Variants in USP13 observed in about 807,000 individuals in gnomAD.
The protein encoded by USP13 is ubiquitin specific peptidase 13, also known as ubiquitin carboxyl-terminal hydrolase 13.
A neutral mutation model predicts 107.8 loss-of-function variants in USP13; 68 were observed. That is an observed-to-expected ratio of 0.63 (90% CI 0.52 to 0.77). The LOEUF (loss-of-function observed/expected upper bound fraction) is 0.77. Among genes scored for constraint, USP13 ranks in the 30% least tolerant of loss-of-function variants. USP13 has a pLI of 0.00. For synonymous variants in USP13, 377 were observed against 389.5 expected, an observed-to-expected ratio of 0.97 and a Z score of 0.38; for missense variants, 945 against 1,093.3, an observed-to-expected ratio of 0.86 and a Z score of 1.91.
intron 16 of USP13, 161 bp downstream of exon 16, chr3:179,757,239 T>C: frequency 1.4e-6 from 1 of 735,562 alleles, no homozygotes; most frequent in Non-Finnish European, 2.3e-6. Context: ...GACATGCTGA[T>C]CAGGTGGCCC....
rs1350806322 is a variant in USP13, at chr3:179,653,195, G to C, written c.-31G>C. Reference sequence around the variant, plus strand: ...AGACCCCGCGCTCCGGCTCCGGCTCGGCTCGCTCGGCTCCGGTGCGCGCCG... The same window carrying C: ...AGACCCCGCGCTCCGGCTCCGGCTCCGCTCGCTCGGCTCCGGTGCGCGCCG... On this transcript the variant is annotated 5_prime_UTR_variant, in exon 1 of 21. Transcript: ENST00000263966. This position sits in a 1 kb window ranked among gnomAD's most constrained non-coding sequence, Gnocchi z 4.0. 28 of 1,326,882 alleles carry C rather than the reference G, an allele frequency of 2.1e-5. No homozygotes were observed. Among genetic ancestry groups the C allele is most frequent in the Non-Finnish European group, 2.7e-5 (28 of 1,033,298 alleles). 82.2% of individuals were successfully genotyped at this position (1,326,882 alleles called of 1,614,324 possible).
chr3:179,751,350 T>A (rs1714603749), intron 13 of USP13, among the ~76,000 whole-genome samples: 1 of 152,194 alleles, frequency 6.6e-6, no homozygotes, highest in Admixed American at 6.5e-5. Context: ...TTTGGATACT[T>A]ATCCCATAAT....
chr3:179,660,654 C>T (rs1298422752), intron 1 of USP13, among the ~76,000 whole-genome samples: 5 of 152,270 alleles, frequency 3.3e-5, no homozygotes, highest in Non-Finnish European at 1.5e-5. Flanking sequence ...GTACTATGCA[C>T]GTTGCCTTGC....
At chr3:179,704,942 A>T (rs1712660446) in intron 4 of USP13, among the ~76,000 whole-genome samples, 1 of 152,144 alleles carries the variant, frequency 6.6e-6, no homozygotes, top group African/African-American at 2.4e-5. Flanking sequence ...TCTAATTTTC[A>T]TAGCAGATCA....
chr3:179,751,159 T>C (rs1191993930), intron 13 of USP13, among the ~76,000 whole-genome samples: 1 of 152,156 alleles, frequency 6.6e-6, no homozygotes, highest in East Asian at 1.9e-4. Flanking sequence ...AAAAACAAAA[T>C]GATAAATGTG....
rs113098896 is a variant in USP13, at chr3:179,722,065, C to CAA, written c.1088+492_1088+493dup. 5.1e-3 allele frequency among the ~76,000 whole-genome samples: 651 copies of CAA among 127,686 alleles called. 9 individuals are homozygous for CAA. The highest frequency in any genetic ancestry group is 0.018 in the African/African-American group (571 of 32,452). The allele number at this position is 127,686 out of a possible 152,430, so 83.8% of individuals were successfully genotyped here. A position where few individuals can be genotyped will look rare whatever the true frequency, so the allele number is the denominator to read the frequency against. On this transcript the variant is annotated intron_variant, in intron 8 of 20. Coordinates refer to ENST00000263966, the MANE Select transcript of USP13 (RefSeq NM_003940.3). ...TGGGTAACAGAGCGAGAATCTGTCT[C>CAA]AAAAAAAAAAAAAAAAAGAGCTTCG...
rs988049461 is a variant in USP13 at position 179,653,189 on chromosome 3, C to CGGCTCGGCT, written c.-36_-28dup. The CGGCTCGGCT allele has an allele frequency of 2.7e-5, 33 of 1,240,954 alleles. No individual in the cohort carries two copies. In the African/African-American group the frequency reaches 3.0e-4, roughly 11 times the overall value. The allele number at this position is 1,240,954 out of a possible 1,614,324, so 76.9% of individuals were successfully genotyped here. On this transcript the variant is annotated 5_prime_UTR_variant, in exon 1 of 21. Coordinates refer to ENST00000263966, the MANE Select transcript of USP13 (RefSeq NM_003940.3). This position sits in a 1 kb window ranked among gnomAD's most constrained non-coding sequence, Gnocchi z 4.0. ...GCCGGCAGACCCCGCGCTCCGGCTCCGGCTCGGCTCGCTCGGCTCCGGTGC... is the reference window on the plus strand; with the variant it reads ...GCCGGCAGACCCCGCGCTCCGGCTCCGGCTCGGCTGGCTCGGCTCGCTCGGCTCCGGTGC...
intron 13 of USP13, among the ~76,000 whole-genome samples, chr3:179,747,669 A>G (rs962182986): frequency 5.3e-5 from 8 of 152,028 alleles, no homozygotes; most frequent in African/African-American, 1.2e-4. Context: ...GCCCAGGGCT[A>G]GTGGTCAGGA....
chr3:179,729,820 T>C (rs1004343605), intron 8 of USP13, among the ~76,000 whole-genome samples: 5 of 152,200 alleles, frequency 3.3e-5, no homozygotes, highest in Non-Finnish European at 5.9e-5. Flanking sequence ...GCTTAGCCAG[T>C]GGTTCTTAAC....
At chr3:179,756,120 A>G (rs564632070) in intron 15 of USP13, among the ~76,000 whole-genome samples, 6 of 152,332 alleles carry the variant, frequency 3.9e-5, no homozygotes, top group African/African-American at 1.4e-4. Context: ...GTAGTTATAC[A>G]GAGATCTTAG....
chr3:179,728,455 A>G (rs1713653717), intron 8 of USP13, among the ~76,000 whole-genome samples: 1 of 145,288 alleles, frequency 6.9e-6, no homozygotes. Context: ...CTCACTTCCT[A>G]GATGGGATGG....
At chr3:179,754,995 C>T (rs1560075725) in intron 15 of USP13, 141 bp downstream of exon 15, 12 of 1,132,796 alleles carry the variant, frequency 1.1e-5, no homozygotes, top group South Asian at 3.7e-5. Context: ...AACCCACCAC[C>T]GACACAGGAG....
intron 3 of USP13, among the ~76,000 whole-genome samples, chr3:179,695,605 C>T (rs889069522): frequency 1.5e-4 from 23 of 151,512 alleles, no homozygotes; most frequent in Admixed American, 1.5e-3. Flanking sequence ...ACTTTTAAAA[C>T]ATTTAGGATT....
chr3:179,749,349 T>C (rs188348661), intron 13 of USP13, among the ~76,000 whole-genome samples: 5 of 152,342 alleles, frequency 3.3e-5, no homozygotes, highest in East Asian at 1.9e-4. Context: ...TTGAAGAAAA[T>C]TTGCTGTCTA....
chr3:179,669,285 A>G (rs1720675734), intron 1 of USP13, among the ~76,000 whole-genome samples: 1 of 152,038 alleles, frequency 6.6e-6, no homozygotes, highest in African/African-American at 2.4e-5. Context: ...ACATGGTGAA[A>G]CTCCATCTCT....
chr3:179,655,359 T>C (rs563461134), intron 1 of USP13, among the ~76,000 whole-genome samples: 1 of 152,290 alleles, frequency 6.6e-6, no homozygotes, highest in East Asian at 1.9e-4. Flanking sequence ...GTTTCTAGAA[T>C]GTTACTATTC....
chr3:179,726,658 C>T (rs1327233026), intron 8 of USP13, among the ~76,000 whole-genome samples: 1 of 145,208 alleles, frequency 6.9e-6, no homozygotes, highest in Non-Finnish European at 1.5e-5. Context: ...CCATTCTGGG[C>T]CTCATTACTC....
intron 15 of USP13, among the ~76,000 whole-genome samples, chr3:179,756,429 CAAACAAACA>C (rs1312034369): frequency 1.3e-5 from 2 of 148,266 alleles, no homozygotes; most frequent in Non-Finnish European, 2.9e-5. Flanking sequence ...AACAAACAAA[CAAACAAACA>C]AACAAACAAA....
At chr3:179,692,785 T>G (rs2108466122) in intron 3 of USP13, among the ~76,000 whole-genome samples, 1 of 152,372 alleles carries the variant, frequency 6.6e-6, no homozygotes, top group South Asian at 2.1e-4. Context: ...GAGGTTTGAT[T>G]TTTTTCTAGT....
Sources: gnomAD v4.1 joint callset for allele counts (sites outside exome capture counted in the v4.1 genomes callset) on GRCh38, gnomAD v4.1.1 for gene constraint, Gnocchi (gnomAD v3.1) non-coding constraint, MANE v1.5 for transcripts, NCBI Gene and HGNC (gene_info 2026-07-23, HGNC 2026-07-21) for gene names.